UBA6: variants seen among roughly 807,000 people sequenced by gnomAD.
UBA6 encodes the protein ubiquitin like modifier activating enzyme 6.
Under a neutral mutation model 148.3 loss-of-function variants are expected in UBA6, and 87 were observed. The observed-to-expected ratio is 0.59, with a 90% CI of 0.49 to 0.70. The LOEUF (loss-of-function observed/expected upper bound fraction) is 0.70. Among genes scored for constraint, UBA6 ranks in the 30% least tolerant of loss-of-function variants. The probability of loss-of-function intolerance (pLI) is 0.00; values close to 1 mark genes in which losing one functional copy is unlikely to be tolerated. For synonymous variants in UBA6, 376 were observed against 401.0 expected, an observed-to-expected ratio of 0.94 and a Z score of 0.75; for missense variants, 1,186 against 1,241.2, an observed-to-expected ratio of 0.96 and a Z score of 0.67.
Position 67,649,227 on chromosome 4 carries a change from TAA to T in UBA6, c.1105-18_1105-17del. The stretch of plus-strand genomic sequence containing the variant: ...TTACATCAGGCTAAAACAAAAGCCA[TAA>T]AAGACAATAACATTAACAGCATTTA... On this transcript the variant is annotated splice_polypyrimidine_tract_variant and intron_variant, in intron 13 of 32. Coordinates refer to ENST00000322244, the MANE Select transcript of UBA6 (RefSeq NM_018227.6). The T allele has an allele frequency of 6.3e-7, 1 of 1,596,126 alleles. No homozygotes were observed. Among genetic ancestry groups the T allele is most frequent in the Non-Finnish European group, 8.5e-7 (1 of 1,172,152 alleles).
At chr4:67,639,660 AC>A (rs1480324969) in intron 18 of UBA6, among the ~76,000 whole-genome samples, 2 of 152,020 alleles carry the variant, frequency 1.3e-5, no homozygotes, top group African/African-American at 4.8e-5. Context: ...GCCTTCCACA[AC>A]CCCCCAAAAT....
At chr4:67,628,962 G>A in intron 27 of UBA6, 109 bp downstream of exon 27, 2 of 768,802 alleles carry the variant, frequency 2.6e-6, no homozygotes, top group Non-Finnish European at 2.3e-6. Flanking sequence ...GCACTGACAA[G>A]AGCAAGAGCA....
At chr4:67,696,389 ATATG>A (rs1730834051) in intron 2 of UBA6, among the ~76,000 whole-genome samples, 1 of 151,008 alleles carries the variant, frequency 6.6e-6, no homozygotes, top group African/African-American at 2.4e-5. Flanking sequence ...CTCTTTATAT[ATATG>A]TGTGTATATA....
At chr4:67,634,091 T>A (rs1729066691) in intron 22 of UBA6, 151 bp downstream of exon 22, 1 of 540,112 alleles carries the variant, frequency 1.9e-6, no homozygotes, top group Non-Finnish European at 3.2e-6. Context: ...TGATAATTTG[T>A]GACCTAATTT....
At chr4:67,681,435 C>T in intron 4 of UBA6, 128 bp downstream of exon 4, 3 of 569,292 alleles carry the variant, frequency 5.3e-6, no homozygotes, top group South Asian at 2.4e-5. Flanking sequence ...TTTAAATTTC[C>T]ATGATTTTTT....
At chr4:67,656,768 A>T (rs947248111) in intron 13 of UBA6, among the ~76,000 whole-genome samples, 11 of 152,224 alleles carry the variant, frequency 7.2e-5, no homozygotes, top group African/African-American at 2.7e-4. Flanking sequence ...ACCTGATTGT[A>T]TATTTAGAAA....
intron 10 of UBA6, among the ~76,000 whole-genome samples, chr4:67,664,588 C>T (rs961971232): frequency 3.3e-5 from 5 of 151,970 alleles, no homozygotes; most frequent in East Asian, 3.9e-4. Flanking sequence ...AGAAGGAGCC[C>T]AAGGATTTTA....
intron 2 of UBA6, 113 bp downstream of exon 2, chr4:67,696,532 C>G: frequency 1.4e-6 from 1 of 738,420 alleles, no homozygotes; most frequent in South Asian, 1.9e-5. Flanking sequence ...CACACACACA[C>G]ACACACACAC....
rs1420765782 is a variant in UBA6, at chr4:67,615,999, AT to A, written c.*2997del. 2 of 376,042 alleles carry A rather than the reference AT, an allele frequency of 5.3e-6. No homozygotes were observed. Among genetic ancestry groups the A allele is most frequent in the Admixed American group, 4.6e-5 (1 of 21,964 alleles). The allele number at this position is 376,042 out of a possible 1,614,324, so 23.3% of individuals were successfully genotyped here. On this transcript the variant is annotated 3_prime_UTR_variant, in exon 33 of 33. Transcript: ENST00000322244. ...CTAGTTATATAGTTGCTTTAAAATT[AT>A]TCCTTGAACTGCATATTTATATTTT...
rs530394821 is a variant in UBA6 at position 67,618,767 on chromosome 4, T to A, written c.*230A>T. On this transcript the variant is annotated 3_prime_UTR_variant, in exon 33 of 33. Transcript: ENST00000322244. ...AAAACTTTTGTAAATAGCATTCCAG[T>A]TCAAAGTTGCTTGTGATCATAGCCA... The A allele has an allele frequency of 9.9e-4, 394 of 397,610 alleles. No homozygotes were observed. Among genetic ancestry groups the A allele is most frequent in the Non-Finnish European group, 1.4e-3 (308 of 224,860 alleles). 24.6% of individuals were successfully genotyped at this position (397,610 alleles called of 1,614,324 possible).
At position 67,638,957 on chromosome 4, in the gene UBA6, C is replaced by G; in HGVS notation, c.1722G>C (p.Arg574Ser). Residue 574 changes from arginine (R) to serine (S), a missense_variant, in exon 19 of 33, where the codon AGG (arginine) becomes AGC (serine). Transcript: ENST00000322244. ...IITALDNVEA[R>S]RYVDSRCLAN... ...CAAGAACATACCTGTCTACGTATCT[C>G]CTGGCTTCCACATTATCTAATGCTG... The G allele has an allele frequency of 6.2e-7, 1 of 1,606,256 alleles. No individual in the cohort carries two copies.
intron 4 of UBA6, among the ~76,000 whole-genome samples, chr4:67,679,061 A>G (rs779937893): frequency 1.3e-5 from 2 of 152,200 alleles, no homozygotes; most frequent in Admixed American, 6.5e-5. Flanking sequence ...TACAATGTAT[A>G]ATCATGCAAC....
At chr4:67,654,537 G>A (rs1729634298) in intron 13 of UBA6, among the ~76,000 whole-genome samples, 2 of 152,064 alleles carry the variant, frequency 1.3e-5, no homozygotes, top group Admixed American at 6.5e-5. Flanking sequence ...CTTGAAGGAG[G>A]CACAAACATG....
At chr4:67,700,882 C>T (rs1440111140) in intron 1 of UBA6, among the ~76,000 whole-genome samples, 167 bp downstream of exon 1, 1 of 152,204 alleles carries the variant, frequency 6.6e-6, no homozygotes, top group East Asian at 1.9e-4. Flanking sequence ...GAGGCCCTAG[C>T]CCACGTCGCC....
chr4:67,672,596 G>A (rs1054574959), intron 7 of UBA6, among the ~76,000 whole-genome samples: 6 of 152,236 alleles, frequency 3.9e-5, no homozygotes, highest in Admixed American at 6.5e-5. Flanking sequence ...ATCTTGTAAC[G>A]TATGGCCCCC....
In UBA6 at chr4:67,641,185, T is replaced by C; in HGVS notation, c.1520A>G (p.Asn507Ser). ...ATGAGGACGAAATAGGAACTGTCTA[T>C]TTAAGTTGGATTTCTCTATCAAGTC... ...DPDLIEKSNLNRQFLFRPHHI... is the reference protein window; with the variant it reads ...DPDLIEKSNLSRQFLFRPHHI... Residue 507 changes from asparagine to serine, a missense_variant, in exon 18 of 33, where the codon AAT (asparagine) becomes AGT (serine). By Grantham distance (46) the Asn-to-Ser change is conservative (BLOSUM62 1). Transcript: ENST00000322244. The C allele has an allele frequency of 1.3e-6, 2 of 1,599,962 alleles. No individual in the cohort carries two copies. Among genetic ancestry groups the C allele is most frequent in the Non-Finnish European group, 1.7e-6 (2 of 1,173,986 alleles).
In UBA6 at chr4:67,615,986, T is replaced by C. The variant is rs1159571820; in HGVS notation, c.*3011A>G. 2 of 370,478 alleles carry C rather than the reference T, an allele frequency of 5.4e-6. No homozygotes were observed. The highest frequency in any genetic ancestry group is 4.2e-5 in the African/African-American group (2 of 48,090). The allele number at this position is 370,478 out of a possible 1,614,324, so 22.9% of individuals were successfully genotyped here. ...ACTAAGCTGAGTGCTAGTTATATAG[T>C]TGCTTTAAAATTATTCCTTGAACTG... is the stretch of plus-strand genomic sequence containing the variant. On this transcript the variant is annotated 3_prime_UTR_variant, in exon 33 of 33. Coordinates refer to ENST00000322244, the MANE Select transcript of UBA6 (RefSeq NM_018227.6).
intron 9 of UBA6, among the ~76,000 whole-genome samples, chr4:67,666,911 A>T (rs1440009289): frequency 6.6e-6 from 1 of 152,132 alleles, no homozygotes; most frequent in Non-Finnish European, 1.5e-5. Context: ...AAAACAAAAA[A>T]ACAAAACAAC....
Position 67,683,261 on chromosome 4 carries a change from T to C in UBA6, c.135-1048A>G, listed in dbSNP as rs76094797. Among the ~76,000 whole-genome samples the C allele has an allele frequency of 5.5e-3, 838 of 152,320 alleles. 6 individuals are homozygous for C. Among genetic ancestry groups the C allele is most frequent in the African/African-American group, 0.019 (809 of 41,562 alleles). On this transcript the variant is annotated intron_variant, in intron 2 of 32. Coordinates refer to ENST00000322244, the MANE Select transcript of UBA6 (RefSeq NM_018227.6). ...CCCTTATGCGTACCCAGAAATAATA[T>C]ACTTAGGTTTTACCTGATTTTAGAC...
Sources: allele counts gnomAD v4.1 joint callset (sites outside exome capture counted in the v4.1 genomes callset), GRCh38; gene constraint gnomAD v4.1.1; transcripts MANE v1.5; gene names NCBI Gene and HGNC (gene_info 2026-07-23, HGNC 2026-07-21).